The following PDGFD variants were observed in gnomAD, a reference collection of about 807,000 sequenced individuals.
The protein encoded by PDGFD is platelet-derived growth factor D.
In PDGFD, 30 loss-of-function variants were observed where a neutral mutation model predicts 44.7. The ratio of observed to expected loss-of-function variants is 0.67; its 90% confidence interval spans 0.50 to 0.91. The LOEUF (loss-of-function observed/expected upper bound fraction) is 0.91, where lower values mean the gene tolerates loss of function less well. Ranked by LOEUF, PDGFD falls within the 40% of genes least tolerant of loss-of-function variation. The pLI is 0.00. For synonymous variants in PDGFD, 173 were observed against 168.4 expected (o/e 1.03, Z -0.21); for missense variants, 445 against 457.8 (o/e 0.97, Z 0.25).
At chr11:104,091,309 CT>C (rs1861210660) in intron 1 of PDGFD, among the ~76,000 whole-genome samples, 1 of 151,192 alleles carries the variant, frequency 6.6e-6, no homozygotes, top group South Asian at 2.1e-4. Context: ...AATTTTTTTT[CT>C]TTTATTTTAT....
At chr11:104,161,928 G>A (rs1017138130) in intron 1 of PDGFD, among the ~76,000 whole-genome samples, 1 of 148,648 alleles carries the variant, frequency 6.7e-6, no homozygotes, top group African/African-American at 2.5e-5. Context: ...AAAGTATTGA[G>A]CAATCAGAAC....
chr11:104,075,078 T>C (rs1156602502), intron 1 of PDGFD, among the ~76,000 whole-genome samples: 3 of 152,212 alleles, frequency 2.0e-5, no homozygotes, highest in African/African-American at 7.2e-5. Context: ...CATCAAACTT[T>C]TTCCTAATGA....
Position 104,015,800 on chromosome 11 carries a change from C to G in PDGFD, c.125-15545G>C, listed in dbSNP as rs368633668. On this transcript the variant is annotated intron_variant, in intron 1 of 6. Transcript: ENST00000393158. ...ATGGTTGTCCAATTTAGCCATTCAC[C>G]CATTTTCCATTTCTATTTTCATTTT... Among the ~76,000 whole-genome samples, 21 of 152,220 alleles carry G rather than the reference C, an allele frequency of 1.4e-4. 2 individuals carry two copies. Among genetic ancestry groups the G allele is most frequent in the Admixed American group, 4.6e-4 (7 of 15,290 alleles).
intron 3 of PDGFD, among the ~76,000 whole-genome samples, chr11:103,958,561 GATTC>G (rs926964222): frequency 5.1e-4 from 78 of 152,300 alleles, no homozygotes; most frequent in African/African-American, 1.8e-3. Flanking sequence ...ATACTGACCT[GATTC>G]ATATTTTCAT....
rs1172783779 is a variant in PDGFD, at chr11:104,041,837, C to T, written c.125-41582G>A. ...GTTCTGCAAAAAGAAAAAGATAAAT[C>T]GATGTTTGCAGGTATAAATTCATCT... is the stretch of plus-strand genomic sequence containing the variant. On this transcript the variant is annotated intron_variant, in intron 1 of 6. Transcript: ENST00000393158. Among the ~76,000 whole-genome samples the T allele has an allele frequency of 3.3e-5, 5 of 152,242 alleles. No individual in the cohort carries two copies. In the South Asian group the frequency reaches 6.2e-4, roughly 19 times the overall value.
intron 6 of PDGFD, among the ~76,000 whole-genome samples, chr11:103,912,936 T>C (rs1858054333): frequency 6.6e-6 from 1 of 152,038 alleles, no homozygotes; most frequent in African/African-American, 2.4e-5. Flanking sequence ...GAGCTAACTA[T>C]CCTAAATATA....
chr11:104,053,286 T>C (rs1467114389), intron 1 of PDGFD, among the ~76,000 whole-genome samples: 2 of 152,194 alleles, frequency 1.3e-5, no homozygotes, highest in African/African-American at 2.4e-5. Flanking sequence ...CAAGGAGATA[T>C]TATTTTGTTC....
intron 1 of PDGFD, among the ~76,000 whole-genome samples, chr11:104,103,786 A>G (rs1387075171): frequency 3.9e-5 from 6 of 152,122 alleles, no homozygotes; most frequent in Non-Finnish European, 7.3e-5. Flanking sequence ...AGCACATACA[A>G]TGGGGTGCAT....
intron 1 of PDGFD, among the ~76,000 whole-genome samples, chr11:104,144,536 A>AACCC (rs1196344404): frequency 8.7e-6 from 1 of 115,446 alleles, no homozygotes; most frequent in African/African-American, 4.0e-5. Context: ...AAACCCAACA[A>AACCC]AACAAAACAA....
intron 1 of PDGFD, among the ~76,000 whole-genome samples, chr11:104,103,437 AACAG>A (rs924465243): frequency 1.6e-4 from 22 of 137,266 alleles, no homozygotes; most frequent in South Asian, 1.4e-3. Context: ...TTCAAATAAA[AACAG>A]ACAATTATGT....
At chr11:104,158,694 A>G (rs1276688192) in intron 1 of PDGFD, among the ~76,000 whole-genome samples, 5 of 151,622 alleles carry the variant, frequency 3.3e-5, no homozygotes, top group African/African-American at 1.2e-4. Context: ...TTAACCGGTC[A>G]TGGTGGCAGG....
intron 5 of PDGFD, among the ~76,000 whole-genome samples, chr11:103,931,579 T>G (rs1017304403): frequency 6.6e-6 from 1 of 151,998 alleles, no homozygotes; most frequent in African/African-American, 2.4e-5. Context: ...CAGTAATCTT[T>G]TTCTTTTCTT....
intron 3 of PDGFD, among the ~76,000 whole-genome samples, chr11:103,949,354 G>A (rs1302065495): frequency 3.9e-5 from 6 of 152,094 alleles, no homozygotes; most frequent in Non-Finnish European, 7.4e-5. Context: ...CAGGAAATGT[G>A]GTATCTGCAC....
intron 1 of PDGFD, among the ~76,000 whole-genome samples, chr11:104,076,968 C>T (rs939591092): frequency 1.3e-5 from 2 of 152,120 alleles, no homozygotes; most frequent in South Asian, 2.1e-4. Context: ...AGTAAAAATA[C>T]AATATACAAT....
intron 1 of PDGFD, among the ~76,000 whole-genome samples, chr11:104,005,133 C>T (rs12284324): frequency 0.097 from 14,701 of 152,146 alleles, 797 homozygotes; most frequent in African/African-American, 0.15. Flanking sequence ...CCCACCTTGG[C>T]CTCCTAAAGT....
At chr11:104,049,377 C>A (rs260818) in intron 1 of PDGFD, among the ~76,000 whole-genome samples, 74,657 of 151,854 alleles carry the variant, frequency 0.49, 19,906 homozygotes, top group African/African-American at 0.7. Context: ...TGTTCAAGGA[C>A]GAACGACAAA....
intron 1 of PDGFD, among the ~76,000 whole-genome samples, chr11:104,107,057 T>G (rs1308045653): frequency 6.6e-6 from 1 of 152,142 alleles, no homozygotes; most frequent in Non-Finnish European, 1.5e-5. Context: ...TGCCCTCTTC[T>G]GAATGTAGGC....
chr11:104,132,572 T>C (rs1332467490), intron 1 of PDGFD, among the ~76,000 whole-genome samples: 1 of 152,042 alleles, frequency 6.6e-6, no homozygotes, highest in Non-Finnish European at 1.5e-5. Context: ...TCATGCTCCA[T>C]AACATGAGTA....
intron 3 of PDGFD, among the ~76,000 whole-genome samples, chr11:103,990,585 G>A (rs145959867): frequency 3.5e-4 from 53 of 152,280 alleles, no homozygotes; most frequent in Admixed American, 6.5e-4. Context: ...TATCTCCAGG[G>A]CACTGGACAT....
Sources: allele counts gnomAD v4.1 joint callset (sites outside exome capture counted in the v4.1 genomes callset), GRCh38; gene constraint gnomAD v4.1.1; transcripts MANE v1.5; gene names NCBI Gene and HGNC (gene_info 2026-07-23, HGNC 2026-07-21).